The following KDM4C variants were observed in gnomAD, a reference collection of about 807,000 sequenced individuals.
KDM4C encodes lysine demethylase 4C.
A neutral mutation model predicts 129.3 loss-of-function variants in KDM4C; 81 were observed. The observed-to-expected ratio is 0.63, with a 90% CI of 0.52 to 0.75. KDM4C has a LOEUF of 0.75. Among genes scored for constraint, KDM4C ranks in the 30% least tolerant of loss-of-function variants. The probability of loss-of-function intolerance (pLI) is 0.00; values close to 1 mark genes in which losing one functional copy is unlikely to be tolerated. For missense variants in KDM4C, 1,457 were observed against 1,304.0 expected (o/e 1.12, Z -1.81); for synonymous variants, 573 against 456.1 (o/e 1.26, Z -3.26).
chr9:7,062,837 G>C (rs142389318), intron 17 of KDM4C, among the ~76,000 whole-genome samples: 1 of 151,952 alleles, frequency 6.6e-6, no homozygotes, highest in South Asian at 2.1e-4. Flanking sequence ...TTTGATACGG[G>C]GACACAATGC....
chr9:6,897,432 T>A (rs1024470246), intron 8 of KDM4C, among the ~76,000 whole-genome samples: 1 of 152,216 alleles, frequency 6.6e-6, no homozygotes, highest in Non-Finnish European at 1.5e-5. Context: ...TTGCAAAATA[T>A]AGCATAGCCA....
At chr9:7,147,064 G>C (rs1357331291) in intron 19 of KDM4C, among the ~76,000 whole-genome samples, 4 of 152,124 alleles carry the variant, frequency 2.6e-5, no homozygotes, top group Non-Finnish European at 5.9e-5. Context: ...TTGCTTTTCT[G>C]TTCTCTTCTC....
chr9:6,853,019 GTTTTGTTTT>G (rs1839139534), intron 5 of KDM4C, among the ~76,000 whole-genome samples: 1 of 151,600 alleles, frequency 6.6e-6, no homozygotes, highest in Non-Finnish European at 1.5e-5. Context: ...AAGGTCCATG[GTTTTGTTTT>G]TTTTGTGTGT....
chr9:6,853,612 C>T (rs1012094641), intron 5 of KDM4C, among the ~76,000 whole-genome samples: 9 of 152,150 alleles, frequency 5.9e-5, no homozygotes, highest in Admixed American at 1.3e-4. Context: ...GGCAGGTTTG[C>T]GGAGTAAGTG....
intron 1 of KDM4C, among the ~76,000 whole-genome samples, chr9:6,788,744 A>C (rs1175934167): frequency 3.9e-5 from 6 of 152,142 alleles, no homozygotes; most frequent in African/African-American, 1.4e-4. Flanking sequence ...GGTGGTTGGA[A>C]GTGCCAGCAG....
chr9:7,033,370 C>G (rs550664700), intron 15 of KDM4C, among the ~76,000 whole-genome samples: 1 of 152,268 alleles, frequency 6.6e-6, no homozygotes, highest in East Asian at 1.9e-4. Context: ...CTGGACAGGA[C>G]TCTCCTCTCT....
chr9:6,827,763 G>A (rs773718878), intron 4 of KDM4C, among the ~76,000 whole-genome samples: 28 of 152,190 alleles, frequency 1.8e-4, no homozygotes, highest in African/African-American at 4.8e-4. Flanking sequence ...AGGTTTTGAC[G>A]CAGAGAGAGA....
intron 21 of KDM4C, chr9:7,170,918 T>TAA (rs59497112): frequency 3.2e-4 from 37 of 117,074 alleles, no homozygotes; most frequent in African/African-American, 9.4e-4. Flanking sequence ...GATGAGCTAC[T>TAA]AAAAAAAAAA....
At chr9:6,801,594 A>G (rs553955878) in intron 2 of KDM4C, among the ~76,000 whole-genome samples, 1 of 151,114 alleles carries the variant, frequency 6.6e-6, no homozygotes, top group East Asian at 1.9e-4. Flanking sequence ...AAGAGAATAT[A>G]TTTACATGCT....
chr9:7,000,571 T>C lies in KDM4C; in HGVS notation c.1786+10047T>C, dbSNP rs1820549617. 2.6e-5 allele frequency among the ~76,000 whole-genome samples: 4 copies of C among 152,330 alleles called. No homozygotes were observed. In the South Asian group the frequency reaches 8.3e-4, roughly 32 times the overall value. The stretch of plus-strand genomic sequence containing the variant: ...CTGTAGAAAACTACCCAGGAACAGA[T>C]TTTGATAGCACAGTTTCATGGTGCA... On this transcript the variant is annotated intron_variant, in intron 12 of 21. Coordinates refer to ENST00000381309, the MANE Select transcript of KDM4C (RefSeq NM_015061.6).
intron 5 of KDM4C, among the ~76,000 whole-genome samples, chr9:6,871,287 T>C (rs559250310): frequency 6.6e-6 from 1 of 152,270 alleles, no homozygotes; most frequent in South Asian, 2.1e-4. Context: ...GTTGGCCTAA[T>C]CTCATTCAGT....
chr9:7,060,454 G>GTTA (rs147100950), intron 17 of KDM4C, among the ~76,000 whole-genome samples: 3,710 of 127,442 alleles, frequency 0.029, 100 homozygotes, highest in East Asian at 0.18. Context: ...CAGTATTGTT[G>GTTA]TTATTATTAT....
chr9:6,957,287 C>T (rs996702050), intron 8 of KDM4C, among the ~76,000 whole-genome samples: 3 of 152,124 alleles, frequency 2.0e-5, no homozygotes, highest in South Asian at 2.1e-4. Flanking sequence ...AAGTCCTTTT[C>T]TATGTTTCAT....
chr9:7,033,797 A>T (rs1827182523), intron 15 of KDM4C, among the ~76,000 whole-genome samples: 1 of 152,310 alleles, frequency 6.6e-6, no homozygotes, highest in African/African-American at 2.4e-5. Flanking sequence ...AGCACAAGTA[A>T]AGTCAAGAAG....
chr9:7,021,702 A>G lies in KDM4C; in HGVS notation c.2259+5773A>G, dbSNP rs1369946978. ...CATTTTTACTTCGTTGCCTGTGTTT[A>G]TGGGGTATTACTCAAGAAATTTTTG... On this transcript the variant is annotated intron_variant, in intron 15 of 21. Transcript: ENST00000381309. Among the ~76,000 whole-genome samples, 6 of 152,048 alleles carry G rather than the reference A, an allele frequency of 3.9e-5. No individual in the cohort carries two copies. In the East Asian group the frequency reaches 9.6e-4, roughly 24 times the overall value.
At chr9:7,174,225 A>G (rs139443265) in intron 21 of KDM4C, among the ~76,000 whole-genome samples, 18 of 119,398 alleles carry the variant, frequency 1.5e-4, no homozygotes, top group African/African-American at 5.7e-4. Context: ...GGTAACTTAG[A>G]GATGACTGTT....
chr9:6,851,792 C>T (rs1838892192), intron 5 of KDM4C, among the ~76,000 whole-genome samples: 1 of 152,154 alleles, frequency 6.6e-6, no homozygotes, highest in Non-Finnish European at 1.5e-5. Context: ...GAAGAATATT[C>T]TGGTCAGGGC....
chr9:7,105,740 CTGA>C (rs1837613536), intron 18 of KDM4C, among the ~76,000 whole-genome samples: 1 of 152,156 alleles, frequency 6.6e-6, no homozygotes, highest in Admixed American at 6.5e-5. Flanking sequence ...CCTGTGGTTA[CTGA>C]TGACTATATT....
At chr9:7,164,544 G>C (rs1042887764) in intron 19 of KDM4C, among the ~76,000 whole-genome samples, 1 of 152,102 alleles carries the variant, frequency 6.6e-6, no homozygotes, top group Non-Finnish European at 1.5e-5. Flanking sequence ...ATTTATGTAG[G>C]GGGGTCCAGG....
Sources: allele counts gnomAD v4.1 joint callset (sites outside exome capture counted in the v4.1 genomes callset), GRCh38; gene constraint gnomAD v4.1.1; transcripts MANE v1.5; gene names NCBI Gene and HGNC (gene_info 2026-07-23, HGNC 2026-07-21).